GATAD2A: variants seen among roughly 807,000 people sequenced by gnomAD.
GATAD2A encodes transcriptional repressor p66-alpha.
GATAD2A carries 12 observed loss-of-function variants against 68.5 expected under a neutral mutation model. The observed-to-expected ratio is 0.18, with a 90% CI of 0.11 to 0.28. GATAD2A has a LOEUF of 0.28. Ranked by LOEUF, GATAD2A falls within the 10% of genes least tolerant of loss-of-function variation. GATAD2A has a pLI of 1.00. For synonymous variants in GATAD2A, 410 were observed against 375.3 expected (o/e 1.09, Z -1.07); for missense variants, 755 against 868.5 (o/e 0.87, Z 1.64).
intron 7 of GATAD2A, among the ~76,000 whole-genome samples, chr19:19,497,327 C>A (rs2060219085): frequency 6.6e-6 from 1 of 152,244 alleles, no homozygotes; most frequent in South Asian, 2.1e-4. Context: ...AACTCCTGAC[C>A]TTAAGTGATC....
At chr19:19,480,654 C>T (rs536658656) in intron 2 of GATAD2A, among the ~76,000 whole-genome samples, 10 of 152,318 alleles carry the variant, frequency 6.6e-5, no homozygotes, top group African/African-American at 2.2e-4. Context: ...AGGTGAGTGG[C>T]GTCCCCTTCT....
At chr19:19,431,490 T>G (rs1200974987) in intron 1 of GATAD2A, among the ~76,000 whole-genome samples, 1 of 150,972 alleles carries the variant, frequency 6.6e-6, no homozygotes, top group Non-Finnish European at 1.5e-5. Context: ...CGTAAGGAGT[T>G]CAAGACCAGT....
intron 2 of GATAD2A, among the ~76,000 whole-genome samples, chr19:19,485,149 T>TG (rs1333943676): frequency 2.0e-5 from 3 of 152,226 alleles, no homozygotes; most frequent in Non-Finnish European, 4.4e-5. Context: ...GGTAGTTACT[T>TG]GGGTAAACCC....
At chr19:19,398,989 G>A (rs944886367) in intron 1 of GATAD2A, among the ~76,000 whole-genome samples, 3 of 152,056 alleles carry the variant, frequency 2.0e-5, no homozygotes, top group African/African-American at 7.2e-5. Context: ...AACCCGGGCA[G>A]CAGGGGTTGC....
chr19:19,494,676 G>A (rs771418142), intron 5 of GATAD2A, among the ~76,000 whole-genome samples: 7 of 152,228 alleles, frequency 4.6e-5, no homozygotes, highest in Non-Finnish European at 8.8e-5. Flanking sequence ...ATCTCCCTTC[G>A]TGTTGACTCT....
chr19:19,455,119 C>T (rs2056806570), intron 1 of GATAD2A, among the ~76,000 whole-genome samples: 1 of 152,142 alleles, frequency 6.6e-6, no homozygotes, highest in South Asian at 2.1e-4. Context: ...ACTTGGGAGG[C>T]TGAGGCAGGA....
chr19:19,431,324 A>G (rs2053719878), intron 1 of GATAD2A, among the ~76,000 whole-genome samples: 2 of 150,822 alleles, frequency 1.3e-5, no homozygotes, highest in Admixed American at 6.6e-5. Context: ...ATTGTATTGC[A>G]GGGCTCCTGC....
intron 2 of GATAD2A, among the ~76,000 whole-genome samples, chr19:19,479,918 A>G (rs2058940875): frequency 6.8e-6 from 1 of 146,242 alleles, no homozygotes; most frequent in South Asian, 2.2e-4. Flanking sequence ...GCTCACTGCA[A>G]CCTCTGCCTC....
chr19:19,406,774 T>A (rs1016432154), intron 1 of GATAD2A, among the ~76,000 whole-genome samples: 2 of 152,170 alleles, frequency 1.3e-5, no homozygotes, highest in Admixed American at 1.3e-4. Flanking sequence ...AGGAAAGGCT[T>A]ATGGGCAGGG....
At chr19:19,499,546 G>C (rs184249163) in intron 8 of GATAD2A, among the ~76,000 whole-genome samples, 2 of 152,232 alleles carry the variant, frequency 1.3e-5, no homozygotes, top group Non-Finnish European at 2.9e-5. Flanking sequence ...CACTGCCCAG[G>C]ATACAGAGGG....
chr19:19,406,191 C>A (rs1600017614), intron 1 of GATAD2A, among the ~76,000 whole-genome samples, 172 bp downstream of exon 1: 2 of 151,780 alleles, frequency 1.3e-5, no homozygotes, highest in East Asian at 3.9e-4. Context: ...GGAGCGTCTT[C>A]TTGCGCTGCC....
At chr19:19,462,587 C>T (rs1236632260) in intron 1 of GATAD2A, among the ~76,000 whole-genome samples, 2 of 152,230 alleles carry the variant, frequency 1.3e-5, no homozygotes, top group East Asian at 3.9e-4. Flanking sequence ...TGCTGTGCAC[C>T]TTGAGTACAC....
chr19:19,435,034 A>G (rs766970259), intron 1 of GATAD2A: 5 of 511,534 alleles, frequency 9.8e-6, no homozygotes, highest in Middle Eastern at 4.0e-4. Flanking sequence ...CATTGGGAGA[A>G]TGAGCCCTGC....
chr19:19,437,120 G>T (rs2054457348), intron 1 of GATAD2A, among the ~76,000 whole-genome samples: 1 of 152,080 alleles, frequency 6.6e-6, no homozygotes, highest in African/African-American at 2.4e-5. Context: ...AACTTTCGTG[G>T]TACTTATATT....
intron 1 of GATAD2A, among the ~76,000 whole-genome samples, chr19:19,408,236 C>G (rs544892078): frequency 6.6e-6 from 1 of 152,232 alleles, no homozygotes; most frequent in Non-Finnish European, 1.5e-5. Flanking sequence ...CTGCCCACCT[C>G]AGCCTCCCAA....
chr19:19,428,668 C>T (rs2053367175), intron 1 of GATAD2A, among the ~76,000 whole-genome samples: 1 of 152,136 alleles, frequency 6.6e-6, no homozygotes, highest in Admixed American at 6.6e-5. Flanking sequence ...TCTGAGCTTA[C>T]CAGAGGGCAG....
intron 1 of GATAD2A, among the ~76,000 whole-genome samples, chr19:19,411,845 C>T (rs996111582): frequency 1.3e-5 from 2 of 152,182 alleles, no homozygotes; most frequent in Admixed American, 6.5e-5. Context: ...TCTTGAACAC[C>T]TCATATCTCA....
intron 1 of GATAD2A, chr19:19,441,856 G>T (rs2055134556): frequency 6.8e-6 from 1 of 148,018 alleles, no homozygotes; most frequent in African/African-American, 2.5e-5. Context: ...GAGCCACCGT[G>T]CCTGGCCTGG....
chr19:19,506,753 C>T lies in GATAD2A; in HGVS notation c.*1279C>T, dbSNP rs1016651136. 1 of 152,220 alleles carries T rather than the reference C, an allele frequency of 6.6e-6. No homozygotes were observed. The highest frequency in any genetic ancestry group is 1.5e-5 in the Non-Finnish European group (1 of 68,036). The allele number at this position is 152,220 out of a possible 1,614,324, so 9.4% of individuals were successfully genotyped here. On this transcript the variant is annotated 3_prime_UTR_variant, in exon 12 of 12. Transcript: ENST00000683918. Reference sequence around the variant, plus strand: ...CCGTGAGGAAAGGCAGAAGCCGTTCCGTGTCTCTTGCAGGCTGGGCCGGCT... The same window carrying T: ...CCGTGAGGAAAGGCAGAAGCCGTTCTGTGTCTCTTGCAGGCTGGGCCGGCT...
Sources: gnomAD v4.1 joint callset for allele counts (sites outside exome capture counted in the v4.1 genomes callset) on GRCh38, gnomAD v4.1.1 for gene constraint, MANE v1.5 for transcripts, NCBI Gene and HGNC (gene_info 2026-07-23, HGNC 2026-07-21) for gene names.